Variants in ITGBL1 observed in about 807,000 individuals in gnomAD.
ITGBL1 encodes integrin subunit beta like 1.
A neutral mutation model predicts 68.5 loss-of-function variants in ITGBL1; 51 were observed. That is an observed-to-expected ratio of 0.74 (90% CI 0.59 to 0.94). The LOEUF (loss-of-function observed/expected upper bound fraction) is 0.94. Ranked by LOEUF, ITGBL1 falls within the 40% of genes least tolerant of loss-of-function variation. The pLI is 0.00. For synonymous variants in ITGBL1, 209 were observed against 227.3 expected (o/e 0.92, Z 0.72); for missense variants, 649 against 647.4 (o/e 1.00, Z -0.03).
intron 2 of ITGBL1, among the ~76,000 whole-genome samples, chr13:101,473,929 A>G (rs931780054): frequency 2.6e-5 from 4 of 152,162 alleles, no homozygotes; most frequent in Non-Finnish European, 4.4e-5. Flanking sequence ...TTGAATAAAT[A>G]TCAGTGGTAC....
intron 7 of ITGBL1, among the ~76,000 whole-genome samples, chr13:101,645,773 G>A (rs1194017813): frequency 6.6e-6 from 1 of 152,228 alleles, no homozygotes; most frequent in East Asian, 1.9e-4. Context: ...TCACGCAGGA[G>A]GGACACGTGG....
At chr13:101,651,259 C>T (rs1043126590) in intron 7 of ITGBL1, among the ~76,000 whole-genome samples, 1 of 152,208 alleles carries the variant, frequency 6.6e-6, no homozygotes, top group African/African-American at 2.4e-5. Flanking sequence ...TTTACACTCC[C>T]ACCAACAGCG....
intron 7 of ITGBL1, among the ~76,000 whole-genome samples, chr13:101,612,955 C>T (rs550864354): frequency 2.6e-5 from 4 of 152,190 alleles, no homozygotes; most frequent in South Asian, 4.2e-4. Context: ...ACTGTGAGGG[C>T]GTGTGCTCTG....
intron 3 of ITGBL1, among the ~76,000 whole-genome samples, chr13:101,570,607 C>T (rs905308510): frequency 2.0e-5 from 3 of 152,204 alleles, no homozygotes; most frequent in Admixed American, 2.0e-4. Context: ...CAGGCAGCTC[C>T]AAATCAGAAG....
chr13:101,609,720 G>A lies in ITGBL1; in HGVS notation c.1015+11421G>A, dbSNP rs114184650. 2.6e-3 allele frequency among the ~76,000 whole-genome samples: 397 copies of A among 151,968 alleles called. 1 individual carries two copies. The highest frequency in any genetic ancestry group is 9.1e-3 in the African/African-American group (379 of 41,474). The stretch of plus-strand genomic sequence containing the variant: ...ATACTTTTGTTTATTTTTAAGAGAT[G>A]GTAGAAAATAATTCAGTGGAAAATA... On this transcript the variant is annotated intron_variant, in intron 7 of 10. Transcript: ENST00000376180.
chr13:101,596,491 G>T (rs1157403714), intron 6 of ITGBL1, among the ~76,000 whole-genome samples: 1 of 152,082 alleles, frequency 6.6e-6, no homozygotes, highest in Non-Finnish European at 1.5e-5. Flanking sequence ...TATTATCTTG[G>T]TTGTGGTAAT....
At chr13:101,488,699 ATG>A (rs2048734534) in intron 2 of ITGBL1, among the ~76,000 whole-genome samples, 1 of 152,174 alleles carries the variant, frequency 6.6e-6, no homozygotes, top group Non-Finnish European at 1.5e-5. Context: ...CTTTGGAGAT[ATG>A]TGTTATGTTC....
chr13:101,648,900 G>T (rs1413443052), intron 7 of ITGBL1, among the ~76,000 whole-genome samples: 1 of 151,998 alleles, frequency 6.6e-6, no homozygotes, highest in Non-Finnish European at 1.5e-5. Context: ...AAATTGATCT[G>T]TTCACTTTAT....
chr13:101,643,674 C>A (rs2032465460), intron 7 of ITGBL1, among the ~76,000 whole-genome samples: 1 of 152,072 alleles, frequency 6.6e-6, no homozygotes, highest in South Asian at 2.1e-4. Context: ...GCTTTCATTC[C>A]CTCAAATTTC....
At chr13:101,612,634 G>A (rs1387225978) in intron 7 of ITGBL1, among the ~76,000 whole-genome samples, 3 of 152,182 alleles carry the variant, frequency 2.0e-5, no homozygotes, top group African/African-American at 7.2e-5. Flanking sequence ...ATATATTCTG[G>A]ATAACTCTAC....
chr13:101,576,743 T>C (rs2050366675), intron 4 of ITGBL1, among the ~76,000 whole-genome samples: 2 of 152,120 alleles, frequency 1.3e-5, no homozygotes, highest in Non-Finnish European at 2.9e-5. Context: ...CCTCCCTCCT[T>C]GATCTCCTGG....
intron 2 of ITGBL1, among the ~76,000 whole-genome samples, chr13:101,505,311 C>T (rs886840265): frequency 6.6e-6 from 1 of 152,046 alleles, no homozygotes; most frequent in African/African-American, 2.4e-5. Context: ...TTTTTTTAAC[C>T]TATTTTATGA....
intron 7 of ITGBL1, among the ~76,000 whole-genome samples, chr13:101,686,865 A>G (rs550133922): frequency 6.6e-6 from 1 of 152,334 alleles, no homozygotes; most frequent in African/African-American, 2.4e-5. Flanking sequence ...TCAAAAATGC[A>G]TATAACATTC....
chr13:101,613,641 A>G (rs533301386), intron 7 of ITGBL1, among the ~76,000 whole-genome samples: 2 of 152,250 alleles, frequency 1.3e-5, no homozygotes, highest in East Asian at 3.9e-4. Context: ...TTTCAGACTC[A>G]AGGGATAAAG....
intron 7 of ITGBL1, among the ~76,000 whole-genome samples, chr13:101,648,868 T>C (rs1308657408): frequency 6.6e-6 from 1 of 152,072 alleles, no homozygotes; most frequent in East Asian, 1.9e-4. Context: ...TTAGTAATAT[T>C]ATTTTCTTTC....
At chr13:101,688,794 T>C (rs2033813787) in intron 7 of ITGBL1, among the ~76,000 whole-genome samples, 1 of 152,216 alleles carries the variant, frequency 6.6e-6, no homozygotes, top group Non-Finnish European at 1.5e-5. Flanking sequence ...GGGAGAGATA[T>C]ACCATTTCAA....
At chr13:101,601,916 A>T (rs1375175901) in intron 7 of ITGBL1, among the ~76,000 whole-genome samples, 1 of 152,130 alleles carries the variant, frequency 6.6e-6, no homozygotes, top group East Asian at 1.9e-4. Flanking sequence ...AATTTAAAAA[A>T]CAGCTGAGAT....
chr13:101,708,993 T>A (rs558839810), intron 9 of ITGBL1, among the ~76,000 whole-genome samples: 1 of 152,202 alleles, frequency 6.6e-6, no homozygotes, highest in Admixed American at 6.5e-5. Flanking sequence ...GAATTCAAGC[T>A]GTGTTGGGAC....
intron 2 of ITGBL1, among the ~76,000 whole-genome samples, chr13:101,546,743 G>A (rs1433296154): frequency 6.6e-6 from 1 of 151,932 alleles, no homozygotes; most frequent in African/African-American, 2.4e-5. Context: ...TATCTAGCAA[G>A]CTTATAAATT....
Sources: gnomAD v4.1 joint callset for allele counts (sites outside exome capture counted in the v4.1 genomes callset) on GRCh38, gnomAD v4.1.1 for gene constraint, MANE v1.5 for transcripts, NCBI Gene and HGNC (gene_info 2026-07-23, HGNC 2026-07-21) for gene names.